THRB: variants seen among roughly 807,000 people sequenced by gnomAD.
The protein encoded by THRB is nuclear receptor subfamily 1 group A member 2.
THRB carries 12 observed loss-of-function variants against 47.8 expected under a neutral mutation model. The observed-to-expected ratio is 0.25, with a 90% CI of 0.16 to 0.41. The LOEUF (loss-of-function observed/expected upper bound fraction) is 0.41, where lower values mean the gene tolerates loss of function less well. Among genes scored for constraint, THRB ranks in the 10% least tolerant of loss-of-function variants. The pLI, the probability that THRB is intolerant of heterozygous loss-of-function variation, is 1.00. For synonymous variants in THRB, 218 were observed against 212.2 expected (o/e 1.03, Z -0.24); for missense variants, 348 against 589.2 (o/e 0.59, Z 4.24).
chr3:24,316,453 C>A (rs1023104320), intron 2 of THRB, among the ~76,000 whole-genome samples: 1 of 151,826 alleles, frequency 6.6e-6, no homozygotes, highest in African/African-American at 2.4e-5. Context: ...CACCCTCTCC[C>A]CCTTTTTTCT....
intron 3 of THRB, among the ~76,000 whole-genome samples, chr3:24,233,312 G>C (rs1423437373): frequency 1.3e-5 from 2 of 151,950 alleles, no homozygotes; most frequent in East Asian, 3.9e-4. Context: ...ACAGCATCTT[G>C]GGCTGCATGG....
At chr3:24,177,065 TTATTCTCCCAGATC>T (rs1206242447) in intron 5 of THRB, among the ~76,000 whole-genome samples, 2 of 152,150 alleles carry the variant, frequency 1.3e-5, no homozygotes, top group African/African-American at 4.8e-5. Context: ...ACCATGTATG[TTATTCTCCCAGATC>T]TAATGGAGAT....
At chr3:24,281,917 G>A (rs2054658475) in intron 3 of THRB, among the ~76,000 whole-genome samples, 1 of 150,354 alleles carries the variant, frequency 6.7e-6, no homozygotes, top group Admixed American at 6.6e-5. Flanking sequence ...CAATACAGGA[G>A]CACCCAGATT....
At position 24,297,351 on chromosome 3, in the gene THRB, G is replaced by A. The variant is rs1196009143; in HGVS notation, c.-168C>T. 1 of 152,192 alleles carries A rather than the reference G, an allele frequency of 6.6e-6. No homozygotes were observed. The highest frequency in any genetic ancestry group is 1.5e-5 in the Non-Finnish European group (1 of 68,038). 9.4% of individuals were successfully genotyped at this position (152,192 alleles called of 1,614,324 possible). The stretch of plus-strand genomic sequence containing the variant: ...GGGGGCAGATGAAATATAAAATGCT[G>A]GAGTTTGCCTCTCTGGCGAGCTGCA... On this transcript the variant is annotated 5_prime_UTR_variant, in exon 3 of 11. Coordinates refer to ENST00000646209, the MANE Select transcript of THRB (RefSeq NM_001354712.2).
chr3:24,336,642 C>T (rs1328010938), intron 2 of THRB, among the ~76,000 whole-genome samples: 1 of 151,960 alleles, frequency 6.6e-6, no homozygotes, highest in Non-Finnish European at 1.5e-5. Flanking sequence ...AGAAGACTTG[C>T]TAGTCAAGTG....
rs555804652 is a variant in THRB, at chr3:24,299,082, C to T, written c.-188-1711G>A. Reference sequence around the variant, plus strand: ...CTAACACAGTGAAACCCCGTCTCTACTAAAAATACAAAAAAATTAGCTGGG... The same window carrying T: ...CTAACACAGTGAAACCCCGTCTCTATTAAAAATACAAAAAAATTAGCTGGG... On this transcript the variant is annotated intron_variant, in intron 2 of 10. Transcript: ENST00000646209. 1.9e-3 allele frequency among the ~76,000 whole-genome samples: 287 copies of T among 151,588 alleles called. 1 individual carries two copies. The highest frequency in any genetic ancestry group is 0.01 in the Middle Eastern group (3 of 294).
At chr3:24,214,722 C>A (rs1042826311) in intron 4 of THRB, among the ~76,000 whole-genome samples, 1 of 152,154 alleles carries the variant, frequency 6.6e-6, no homozygotes, top group Non-Finnish European at 1.5e-5. Context: ...AGGAAGCCTG[C>A]AACCTGGCCT....
intron 5 of THRB, among the ~76,000 whole-genome samples, chr3:24,179,473 C>CAATT (rs1244568793): frequency 6.6e-6 from 1 of 152,132 alleles, no homozygotes; most frequent in Non-Finnish European, 1.5e-5. Context: ...AAAATGTTAA[C>CAATT]AATTGGTGAA....
At chr3:24,354,966 GA>G (rs2063579208) in intron 1 of THRB, among the ~76,000 whole-genome samples, 1 of 152,134 alleles carries the variant, frequency 6.6e-6, no homozygotes, top group Non-Finnish European at 1.5e-5. Flanking sequence ...ATTAAAACTA[GA>G]GGTGAAAATT....
chr3:24,426,154 A>T (rs2069738372), intron 1 of THRB, among the ~76,000 whole-genome samples: 2 of 151,984 alleles, frequency 1.3e-5, no homozygotes, highest in Non-Finnish European at 2.9e-5. Flanking sequence ...CCTGTCATCC[A>T]TATAGCTACC....
At chr3:24,397,853 A>G (rs981409160) in intron 1 of THRB, among the ~76,000 whole-genome samples, 2 of 151,964 alleles carry the variant, frequency 1.3e-5, no homozygotes, top group African/African-American at 4.8e-5. Flanking sequence ...CAAAGAGGGA[A>G]GTGGAGCTCA....
chr3:24,386,324 T>C (rs941633760), intron 1 of THRB, among the ~76,000 whole-genome samples: 5 of 152,114 alleles, frequency 3.3e-5, no homozygotes, highest in Non-Finnish European at 7.4e-5. Flanking sequence ...CCCCAATATT[T>C]AGGGGCCTGC....
At chr3:24,453,605 A>G (rs1577682979) in intron 1 of THRB, among the ~76,000 whole-genome samples, 3 of 152,336 alleles carry the variant, frequency 2.0e-5, no homozygotes, top group Admixed American at 2.0e-4. Flanking sequence ...TTCATGAAAC[A>G]GCTAGCAGGA....
At chr3:24,287,589 T>C (rs941222557) in intron 3 of THRB, among the ~76,000 whole-genome samples, 1 of 152,214 alleles carries the variant, frequency 6.6e-6, no homozygotes, top group Non-Finnish European at 1.5e-5. Flanking sequence ...CTGGTCAACT[T>C]GAAAGGGAGA....
Position 24,237,711 on chromosome 3 carries a change from G to A in THRB, c.-42-8710C>T, listed in dbSNP as rs189006837. ...AAGGTGACATTGGGTTAAGTGGGAC[G>A]TGCACACTTAATCCATGGTAGTATT... On this transcript the variant is annotated intron_variant, in intron 3 of 10. Transcript: ENST00000646209. Among the ~76,000 whole-genome samples, 5 of 152,220 alleles carry A rather than the reference G, an allele frequency of 3.3e-5. No homozygotes were observed. In the East Asian group the frequency reaches 5.8e-4, roughly 18 times the overall value.
rs181096771 is a variant in THRB at position 24,494,818 on chromosome 3, C to G, written c.-427G>C. 2 of 152,466 alleles carry G rather than the reference C, an allele frequency of 1.3e-5. No individual in the cohort carries two copies. The highest frequency in any genetic ancestry group is 2.4e-5 in the African/African-American group (1 of 41,564). 9.4% of individuals were successfully genotyped at this position (152,466 alleles called of 1,614,324 possible). A position where few individuals can be genotyped will look rare whatever the true frequency, so the allele number is the denominator to read the frequency against. ...ACATTATTCATGCAAAGTTAATCCC[C>G]GCCGCGTCACGGCCGCCCGCCCGAG... On this transcript the variant is annotated 5_prime_UTR_variant, in exon 1 of 11. Transcript: ENST00000646209.
intron 4 of THRB, among the ~76,000 whole-genome samples, chr3:24,202,328 T>C (rs1185109984): frequency 1.3e-5 from 2 of 152,236 alleles, no homozygotes; most frequent in African/African-American, 4.8e-5. Flanking sequence ...ATCTCAATGC[T>C]GTTTCAAATT....
At chr3:24,371,937 G>C (rs1185278648) in intron 1 of THRB, among the ~76,000 whole-genome samples, 1 of 152,026 alleles carries the variant, frequency 6.6e-6, no homozygotes, top group Non-Finnish European at 1.5e-5. Context: ...TCTGTTTCTT[G>C]AGGGAAAACA....
chr3:24,336,323 G>T (rs985128119), intron 2 of THRB, among the ~76,000 whole-genome samples: 4 of 152,150 alleles, frequency 2.6e-5, no homozygotes, highest in Non-Finnish European at 2.9e-5. Context: ...GAGGCCATGG[G>T]CAAGAGGAGG....
Sources: gnomAD v4.1 joint callset for allele counts (sites outside exome capture counted in the v4.1 genomes callset) on GRCh38, gnomAD v4.1.1 for gene constraint, MANE v1.5 for transcripts, NCBI Gene and HGNC (gene_info 2026-07-23, HGNC 2026-07-21) for gene names.